The following LMNTD1 variants were observed in gnomAD, a reference collection of about 807,000 sequenced individuals.
The protein encoded by LMNTD1 is lamin tail domain containing 1, also known as lamin tail domain-containing protein 1.
In LMNTD1, 35 loss-of-function variants were observed where a neutral mutation model predicts 50.9. The observed-to-expected ratio is 0.69, with a 90% CI of 0.53 to 0.91. LMNTD1 has a LOEUF of 0.91. LMNTD1 is among the 40% of genes least tolerant of loss of function. The pLI, the probability that LMNTD1 is intolerant of heterozygous loss-of-function variation, is 0.00. For missense variants in LMNTD1, 470 were observed against 475.5 expected, an observed-to-expected ratio of 0.99 and a Z score of 0.11; for synonymous variants, 153 against 161.9, an observed-to-expected ratio of 0.94 and a Z score of 0.42.
intron 9 of LMNTD1, among the ~76,000 whole-genome samples, chr12:25,492,331 T>A (rs536048035): frequency 6.6e-6 from 1 of 152,238 alleles, no homozygotes; most frequent in Non-Finnish European, 1.5e-5. Context: ...CTTGCACATG[T>A]CAATTTCCCT....
Position 25,611,648 on chromosome 12 carries a change from G to A in LMNTD1, c.58+36846C>T, listed in dbSNP as rs116708969. Among the ~76,000 whole-genome samples, 600 of 152,312 alleles carry A rather than the reference G, an allele frequency of 3.9e-3. 13 individuals are homozygous for A. The highest frequency in any genetic ancestry group is 0.014 in the African/African-American group (583 of 41,580). ...AATGCTTCCAAAATATGATTGAGAA[G>A]TAAAGGATTGACTCCCTTTCTCTTT... On this transcript the variant is annotated intron_variant, in intron 1 of 7. Transcript: ENST00000445693.
chr12:25,551,394 TTTTC>T (rs1323298703), intron 2 of LMNTD1, among the ~76,000 whole-genome samples: 1 of 152,064 alleles, frequency 6.6e-6, no homozygotes, highest in Non-Finnish European at 1.5e-5. Context: ...TTTTCTTTTC[TTTTC>T]TTTTTTTATG....
chr12:25,594,651 C>CAAAAAAAAAAAAAAAAAAAAAAA (rs61299586), intron 1 of LMNTD1, among the ~76,000 whole-genome samples: 1 of 69,904 alleles, frequency 1.4e-5, no homozygotes, highest in African/African-American at 5.7e-5. Context: ...AACAGAAATA[C>CAAAAAAAAAAAAAAAAAAAAAAA]AAAAAAAAAA....
At chr12:25,592,425 T>C (rs1313052072) in intron 1 of LMNTD1, 1 of 152,150 alleles carries the variant, frequency 6.6e-6, no homozygotes, top group Non-Finnish European at 1.5e-5. Context: ...GAAAGGGAGA[T>C]CATTTGCCCT....
intron 1 of LMNTD1, among the ~76,000 whole-genome samples, chr12:25,632,760 A>G (rs1404359446): frequency 6.6e-6 from 1 of 152,180 alleles, no homozygotes; most frequent in African/African-American, 2.4e-5. Flanking sequence ...AACAAAAAAT[A>G]AAAAACCTAA....
chr12:25,558,825 A>T (rs1413523975), intron 1 of LMNTD1, among the ~76,000 whole-genome samples: 1 of 152,176 alleles, frequency 6.6e-6, no homozygotes, highest in East Asian at 1.9e-4. Context: ...CACCTCCATG[A>T]TTCAATTACT....
At chr12:25,527,679 T>TAC (rs1480202150) in intron 4 of LMNTD1, among the ~76,000 whole-genome samples, 28 of 19,260 alleles carry the variant, frequency 1.5e-3, no homozygotes, top group African/African-American at 2.4e-3. Flanking sequence ...TATATATATA[T>TAC]ATACACACAC....
chr12:25,524,962 T>C (rs1039756160), intron 6 of LMNTD1, among the ~76,000 whole-genome samples: 1 of 152,104 alleles, frequency 6.6e-6, no homozygotes, highest in African/African-American at 2.4e-5. Context: ...CCAAGTCTAT[T>C]TTAAAGGGAA....
chr12:25,590,424 C>G (rs565789417), intron 1 of LMNTD1, among the ~76,000 whole-genome samples: 1 of 152,320 alleles, frequency 6.6e-6, no homozygotes, highest in African/African-American at 2.4e-5. Flanking sequence ...CTTGCCACTG[C>G]AGGCTAAAGT....
chr12:25,520,139 GATATAC>G (rs878872202), intron 6 of LMNTD1, 64 bp from the exon 7 acceptor site: 8,827 of 151,432 alleles, frequency 0.058, 1,078 homozygotes, highest in Non-Finnish European at 0.063. Flanking sequence ...GCTGTTATGA[GATATAC>G]ATATATATAT....
chr12:25,611,730 ATTTGAT>A (rs1237314045), intron 1 of LMNTD1, among the ~76,000 whole-genome samples: 1 of 152,168 alleles, frequency 6.6e-6, no homozygotes. Flanking sequence ...TAAAATATTT[ATTTGAT>A]TTTATTTTTC....
chr12:25,499,016 A>G (rs1939232281), intron 9 of LMNTD1, among the ~76,000 whole-genome samples: 1 of 152,186 alleles, frequency 6.6e-6, no homozygotes, highest in South Asian at 2.1e-4. Context: ...AAGACCCAGA[A>G]TCATCAGGTC....
intron 1 of LMNTD1, among the ~76,000 whole-genome samples, chr12:25,615,120 C>G (rs917304031): frequency 6.6e-6 from 1 of 152,134 alleles, no homozygotes; most frequent in Non-Finnish European, 1.5e-5. Context: ...AGTGGCCAAA[C>G]AAAATGAGGC....
intron 1 of LMNTD1, chr12:25,586,125 T>C (rs1945516918): frequency 6.6e-6 from 1 of 152,162 alleles, no homozygotes; most frequent in Admixed American, 6.5e-5. Context: ...AGGGGAAGGG[T>C]AGTGTCAAAG....
intron 1 of LMNTD1, among the ~76,000 whole-genome samples, chr12:25,619,624 C>A (rs1946431574): frequency 6.6e-6 from 1 of 152,118 alleles, no homozygotes; most frequent in Non-Finnish European, 1.5e-5. Flanking sequence ...AGGCTGTGAT[C>A]CAGGAAAGAA....
rs1440414546 is a variant in LMNTD1 at position 25,527,669 on chromosome 12, TATATATATATATAC to T, written c.492-728_492-715del. Among the ~76,000 whole-genome samples, 17 of 22,748 alleles carry T rather than the reference TATATATATATATAC, an allele frequency of 7.5e-4. No homozygotes were observed. The Admixed American group carries it at 8.8e-3, about 12-fold the overall frequency. 14.9% of individuals were successfully genotyped at this position (22,748 alleles called of 152,430 possible). A position where few individuals can be genotyped will look rare whatever the true frequency, so the allele number is the denominator to read the frequency against. ...ATATATATATATATATATATATATA[TATATATATATATAC>T]ACACACACACACACACACACACACA... On this transcript the variant is annotated intron_variant, in intron 4 of 9. Coordinates refer to ENST00000458174, the MANE Select transcript of LMNTD1 (RefSeq NM_001145728.2).
chr12:25,490,109 T>C (rs1938835195), intron 9 of LMNTD1, among the ~76,000 whole-genome samples: 1 of 152,238 alleles, frequency 6.6e-6, no homozygotes, highest in South Asian at 2.1e-4. Context: ...GCCTGTAATG[T>C]GTAATGTATT....
At chr12:25,505,905 A>G (rs1400535447) in intron 8 of LMNTD1, among the ~76,000 whole-genome samples, 17 of 152,210 alleles carry the variant, frequency 1.1e-4, no homozygotes, top group Admixed American at 1.1e-3. Flanking sequence ...GCCTATTCAC[A>G]GAAACGTCAT....
intron 4 of LMNTD1, among the ~76,000 whole-genome samples, chr12:25,544,077 G>T (rs1943273512): frequency 6.6e-6 from 1 of 151,934 alleles, no homozygotes; most frequent in Non-Finnish European, 1.5e-5. Flanking sequence ...TTCTGCACAT[G>T]TCAGGCCTCA....
Sources: allele counts gnomAD v4.1 joint callset (sites outside exome capture counted in the v4.1 genomes callset), GRCh38; gene constraint gnomAD v4.1.1; transcripts MANE v1.5; gene names NCBI Gene and HGNC (gene_info 2026-07-23, HGNC 2026-07-21).